Variants in PDK1 observed in about 807,000 individuals in gnomAD.
The protein encoded by PDK1 is pyruvate dehydrogenase kinase 1, also known as [Pyruvate dehydrogenase (acetyl-transferring)] kinase isozyme 1, mitochondrial.
Under a neutral mutation model 54.2 loss-of-function variants are expected in PDK1, and 39 were observed. The ratio of observed to expected loss-of-function variants is 0.72; its 90% CI spans 0.56 to 0.94. The LOEUF (loss-of-function observed/expected upper bound fraction) is 0.94, where lower values mean the gene tolerates loss of function less well. PDK1 is among the 40% of genes least tolerant of loss of function. PDK1 has a pLI of 0.00. For missense variants in PDK1, 552 were observed against 566.0 expected, an observed-to-expected ratio of 0.98 and a Z score of 0.25; for synonymous variants, 221 against 207.1, an observed-to-expected ratio of 1.07 and a Z score of -0.58.
At chr2:172,717,718 T>C in the PDK1 span, among the ~76,000 whole-genome samples, 1 of 152,272 alleles carries the variant, frequency 6.6e-6, no homozygotes, top group East Asian at 1.9e-4. Context: ...AAGTAGAACA[T>C]TGCTTTGCCA....
chr2:172,714,915 G>A, the PDK1 span, among the ~76,000 whole-genome samples: 6 of 152,046 alleles, frequency 3.9e-5, no homozygotes, highest in South Asian at 4.2e-4. Flanking sequence ...GATAAAAACC[G>A]ATAAGAGCAA....
chr2:172,566,920 T>G lies in PDK1; in HGVS notation c.756T>G (p.Leu252=). Residue 252 remains leucine (L), a synonymous_variant, in exon 6 of 11, where the codon CTT becomes CTG. Coordinates refer to ENST00000282077, the MANE Select transcript of PDK1 (RefSeq NM_002610.5). ...LYYINSPELE[L]EELNAKSPGQ... ...ATATTAACTCTCCCGAACTAGAACT[T>G]GAAGAACTAAATGGTAAGCCTGATG... The G allele has an allele frequency of 6.2e-7, 1 of 1,605,506 alleles. No homozygotes were observed. Among genetic ancestry groups the G allele is most frequent in the Admixed American group, 1.7e-5 (1 of 59,908 alleles).
At position 172,583,281 on chromosome 2, in the gene PDK1, GTTTTTTTTTT is replaced by G. The variant is rs1175087926; in HGVS notation, c.946-2975_946-2966del. ...CATAATGCTGCATAAAAGTTTTCTG[GTTTTTTTTTT>G]TTTTTTTTTTTTTTTTTTTTTACTG... On this transcript the variant is annotated intron_variant, in intron 8 of 10. Coordinates refer to ENST00000282077, the MANE Select transcript of PDK1 (RefSeq NM_002610.5). Among the ~76,000 whole-genome samples, 350 of 77,076 alleles carry G rather than the reference GTTTTTTTTTT, an allele frequency of 4.5e-3. 4 individuals carry two copies. The highest frequency in any genetic ancestry group is 0.018 in the African/African-American group (328 of 18,482). The allele number at this position is 77,076 out of a possible 152,430, so 50.6% of individuals were successfully genotyped here. A position where few individuals can be genotyped will look rare whatever the true frequency, so the allele number is the denominator to read the frequency against.
At chr2:172,667,147 T>G in the PDK1 span, among the ~76,000 whole-genome samples, 1 of 152,122 alleles carries the variant, frequency 6.6e-6, no homozygotes, top group Admixed American at 6.5e-5. Context: ...TCAAGGGAAC[T>G]AGAAAAAGGA....
chr2:172,650,937 C>T, the PDK1 span, among the ~76,000 whole-genome samples: 1 of 152,166 alleles, frequency 6.6e-6, no homozygotes, highest in Non-Finnish European at 1.5e-5. Flanking sequence ...CAGAAAGTTA[C>T]AAGGATATCC....
chr2:172,578,171 T>C (rs77158167), intron 8 of PDK1, among the ~76,000 whole-genome samples: 3,407 of 152,316 alleles, frequency 0.022, 121 homozygotes, highest in African/African-American at 0.078. Context: ...GCCTCCATGG[T>C]TTGGATGAGA....
At chr2:172,644,846 C>T in the PDK1 span, among the ~76,000 whole-genome samples, 1 of 150,688 alleles carries the variant, frequency 6.6e-6, no homozygotes, top group African/African-American at 2.4e-5. Flanking sequence ...CTAGCTTTAG[C>T]CTCACAGAGC....
the PDK1 span, among the ~76,000 whole-genome samples, chr2:172,631,345 C>T: frequency 1.3e-5 from 2 of 152,242 alleles, no homozygotes; most frequent in African/African-American, 4.8e-5. Context: ...ACAGTCCTCT[C>T]TTAAAGCAGA....
chr2:172,660,207 T>C, the PDK1 span, among the ~76,000 whole-genome samples: 2 of 149,738 alleles, frequency 1.3e-5, no homozygotes, highest in Non-Finnish European at 3.0e-5. Context: ...AACATGTCAG[T>C]GTATCGATCT....
chr2:172,629,641 A>G, the PDK1 span, among the ~76,000 whole-genome samples: 1 of 152,194 alleles, frequency 6.6e-6, no homozygotes, highest in African/African-American at 2.4e-5. Context: ...TGGACGCCAA[A>G]CAAGAGCTTG....
the PDK1 span, among the ~76,000 whole-genome samples, chr2:172,637,884 G>A: frequency 6.6e-6 from 1 of 152,062 alleles, no homozygotes; most frequent in Admixed American, 6.5e-5. Context: ...TTTTAGTAGA[G>A]ATGGCGTTTC....
chr2:172,556,139 GC>G lies in PDK1; in HGVS notation c.-11del. The G allele has an allele frequency of 1.4e-6, 2 of 1,403,352 alleles. No individual in the cohort carries two copies. Among genetic ancestry groups the G allele is most frequent in the South Asian group, 3.1e-5 (2 of 65,364 alleles). 86.9% of individuals were successfully genotyped at this position (1,403,352 alleles called of 1,614,324 possible). ...TGGCGTACTGGCTGTGGCTTCTCTAGCGGGACTCGGCATGAGGCTGGCGCGG... is the reference window on the plus strand; with the variant it reads ...TGGCGTACTGGCTGTGGCTTCTCTAGGGGACTCGGCATGAGGCTGGCGCGG... On this transcript the variant is annotated 5_prime_UTR_variant, in exon 1 of 11. Coordinates refer to ENST00000282077, the MANE Select transcript of PDK1 (RefSeq NM_002610.5).
At chr2:172,567,569 G>C (rs1366437036) in intron 6 of PDK1, among the ~76,000 whole-genome samples, 1 of 152,222 alleles carries the variant, frequency 6.6e-6, no homozygotes. Flanking sequence ...GCTGTATTCT[G>C]GACCTTAGAG....
At chr2:172,593,481 A>T (rs1448298015) in intron 10 of PDK1, among the ~76,000 whole-genome samples, 1 of 152,198 alleles carries the variant, frequency 6.6e-6, no homozygotes, top group East Asian at 1.9e-4. Flanking sequence ...TAAACCAACA[A>T]GTGCATACTC....
chr2:172,718,836 G>A, the PDK1 span, among the ~76,000 whole-genome samples: 1 of 152,116 alleles, frequency 6.6e-6, no homozygotes, highest in Non-Finnish European at 1.5e-5. Context: ...TATTATTTTT[G>A]TGAAGTATAT....
the PDK1 span, among the ~76,000 whole-genome samples, chr2:172,653,300 C>A: frequency 4.6e-5 from 7 of 152,118 alleles, no homozygotes; most frequent in African/African-American, 1.4e-4. Context: ...CCCTTCCTTA[C>A]ATCTAATACA....
rs2149313474 is a variant in PDK1 at position 172,600,927 on chromosome 2, T to C, written c.*4958T>C. The C allele has an allele frequency of 6.6e-6, 1 of 152,288 alleles. No homozygotes were observed. Among genetic ancestry groups the C allele is most frequent in the Non-Finnish European group, 1.5e-5 (1 of 68,024 alleles). The allele number at this position is 152,288 out of a possible 1,614,324, so 9.4% of individuals were successfully genotyped here. On this transcript the variant is annotated 3_prime_UTR_variant, in exon 11 of 11. Transcript: ENST00000282077. Reference sequence around the variant, plus strand: ...GCTGCAGGCATCCCCCCGGTCTGCTTTTAGCTTCCTTATCTTAGTGCCCCT... The same window carrying C: ...GCTGCAGGCATCCCCCCGGTCTGCTCTTAGCTTCCTTATCTTAGTGCCCCT...
At chr2:172,647,250 G>C in the PDK1 span, among the ~76,000 whole-genome samples, 2 of 152,144 alleles carry the variant, frequency 1.3e-5, no homozygotes, top group Admixed American at 1.3e-4. Flanking sequence ...TGCTAAATCA[G>C]AGTCTCGGGA....
Position 172,558,780 on chromosome 2 carries a change from T to C in PDK1, c.269T>C (p.Ile90Thr), listed in dbSNP as rs952361059. The C allele has an allele frequency of 6.2e-6, 10 of 1,611,964 alleles. No individual in the cohort carries two copies. Among genetic ancestry groups the C allele is most frequent in the Non-Finnish European group, 6.8e-6 (8 of 1,179,086 alleles). ...RQELPVRLANIMKEISLLPDN... is the reference protein window; with the variant it reads ...RQELPVRLANTMKEISLLPDN... ...GAGTTGCCTGTCAGACTGGCAAATA[T>C]AATGAAAGAAATAAGTCTCCTTCCA... Residue 90 changes from isoleucine (I) to threonine (T), a missense_variant, in exon 2 of 11, where the codon ATA becomes ACA. Transcript: ENST00000282077.
Sources: gnomAD v4.1 joint callset for allele counts (sites outside exome capture counted in the v4.1 genomes callset) on GRCh38, gnomAD v4.1.1 for gene constraint, MANE v1.5 for transcripts, NCBI Gene and HGNC (gene_info 2026-07-23, HGNC 2026-07-21) for gene names.